Variants in ABLIM2 observed in about 807,000 individuals in gnomAD.
ABLIM2 encodes actin-binding LIM protein 2.
Under a neutral mutation model 97.7 loss-of-function variants are expected in ABLIM2, and 53 were observed. The ratio of observed to expected loss-of-function variants is 0.54; its 90% CI spans 0.44 to 0.68. ABLIM2 has a LOEUF of 0.68. ABLIM2 is among the 30% of genes least tolerant of loss of function. The probability of loss-of-function intolerance (pLI) is 0.00; values close to 1 mark genes in which losing one functional copy is unlikely to be tolerated. For synonymous variants in ABLIM2, 361 were observed against 345.8 expected (o/e 1.04, Z -0.49); for missense variants, 835 against 867.2 (o/e 0.96, Z 0.47).
Position 8,077,615 on chromosome 4 carries a change from C to G in ABLIM2, c.675+13G>C, listed in dbSNP as rs200179711. 5,059 of 1,596,722 alleles carry G rather than the reference C, an allele frequency of 3.2e-3. 11 individuals are homozygous for G. The highest frequency in any genetic ancestry group is 4.0e-3 in the Non-Finnish European group (4,645 of 1,170,846). On this transcript the variant is annotated intron_variant, in intron 6 of 20. Coordinates refer to ENST00000447017, the MANE Select transcript of ABLIM2 (RefSeq NM_001130083.2). The stretch of plus-strand genomic sequence containing the variant: ...AGCTCAGAGCGGGCAGGGGCCCGGC[C>G]CGCCGCGCTTACCTCCAGCACGCGC...
At chr4:8,136,574 G>A (rs957855539) in intron 1 of ABLIM2, among the ~76,000 whole-genome samples, 3 of 152,336 alleles carry the variant, frequency 2.0e-5, no homozygotes, top group East Asian at 1.9e-4. Flanking sequence ...TGCACCCCAC[G>A]TGGCTGACTT....
chr4:7,975,636 A>G (rs1732411038), intron 20 of ABLIM2, among the ~76,000 whole-genome samples: 1 of 152,142 alleles, frequency 6.6e-6, no homozygotes, highest in Non-Finnish European at 1.5e-5. Flanking sequence ...CTCCAAACTT[A>G]ATCTGCCTGC....
At chr4:8,151,555 G>A (rs567080338) in intron 1 of ABLIM2, among the ~76,000 whole-genome samples, 16 of 152,318 alleles carry the variant, frequency 1.1e-4, no homozygotes, top group South Asian at 2.1e-4. Flanking sequence ...GGAGCATCTC[G>A]AGAGCCAGAT....
chr4:8,098,371 C>T (rs1192633164), intron 2 of ABLIM2, among the ~76,000 whole-genome samples: 4 of 152,234 alleles, frequency 2.6e-5, no homozygotes, highest in Non-Finnish European at 5.9e-5. Context: ...CAAAGGACGT[C>T]GTTTCTGCAC....
rs1173773384 is a variant in ABLIM2 at position 7,998,092 on chromosome 4, G to A, written c.1619-5165C>T. ...GACGGGGTTTCTCCATGTTGATCGG[G>A]CTCGTCTTCAACTCCTGATCTCAGG... On this transcript the variant is annotated intron_variant, in intron 16 of 20. Transcript: ENST00000447017. The surrounding 1 kb of genome is among the most constrained non-coding windows in gnomAD (Gnocchi z 6.4). Among the ~76,000 whole-genome samples, 1 of 151,918 alleles carries A rather than the reference G, an allele frequency of 6.6e-6. No homozygotes were observed. Among genetic ancestry groups the A allele is most frequent in the Non-Finnish European group, 1.5e-5 (1 of 68,000 alleles).
rs948789492 is a variant in ABLIM2, at chr4:8,148,130, C to T, written c.10+10550G>A. Reference sequence around the variant, plus strand: ...CAAAGCCCACCATGCGCACCTTCCCCGGCAGAGAAGGGGTTTGGAGTGGCA... The same window carrying T: ...CAAAGCCCACCATGCGCACCTTCCCTGGCAGAGAAGGGGTTTGGAGTGGCA... On this transcript the variant is annotated intron_variant, in intron 1 of 20. Transcript: ENST00000447017. This position sits in a 1 kb window ranked among gnomAD's most constrained non-coding sequence, Gnocchi z 6.7. Among the ~76,000 whole-genome samples, 3 of 152,184 alleles carry T rather than the reference C, an allele frequency of 2.0e-5. No individual in the cohort carries two copies. Among genetic ancestry groups the T allele is most frequent in the South Asian group, 4.1e-4 (2 of 4,832 alleles).
chr4:8,066,360 G>GGGAAGGAAGGAAGGAAGGAAGGAAGGAA (rs766354971), intron 6 of ABLIM2, among the ~76,000 whole-genome samples: 1 of 51,212 alleles, frequency 2.0e-5, no homozygotes, highest in Non-Finnish European at 3.7e-5. Context: ...GAGGGAGGGA[G>GGGAAGGAAGGAAGGAAGGAAGGAAGGAA]GGAAGGAAGG....
chr4:8,054,278 AGAGTT>A lies in ABLIM2; in HGVS notation c.764-37_764-33del. 2 of 1,609,712 alleles carry A rather than the reference AGAGTT, an allele frequency of 1.2e-6. No individual in the cohort carries two copies. The highest frequency in any genetic ancestry group is 1.3e-5 in the African/African-American group (1 of 75,008). ...ACAAATTCCCAAGAGGGAAATGATT[AGAGTT>A]ATTTCCCATGTTGCAGGGGCCTGTG... On this transcript the variant is annotated intron_variant, in intron 7 of 20. Transcript: ENST00000447017. The surrounding 1 kb of genome is among the most constrained non-coding windows in gnomAD (Gnocchi z 4.9).
chr4:8,028,963 G>T (rs754555395), intron 11 of ABLIM2, among the ~76,000 whole-genome samples: 8 of 152,248 alleles, frequency 5.3e-5, no homozygotes, highest in Non-Finnish European at 8.8e-5. Context: ...GAAGCAGCTT[G>T]GAAAAATCCC....
At chr4:8,145,849 T>A (rs1364949443) in intron 1 of ABLIM2, among the ~76,000 whole-genome samples, 3 of 149,654 alleles carry the variant, frequency 2.0e-5, no homozygotes, top group East Asian at 3.9e-4. Context: ...ACAGTGAAAG[T>A]CCACCTCTCA....
chr4:7,994,820 C>G (rs929973258), intron 16 of ABLIM2, among the ~76,000 whole-genome samples: 1 of 118,092 alleles, frequency 8.5e-6, no homozygotes, highest in African/African-American at 2.7e-5. Context: ...ACAAAATTGA[C>G]AAATGGGATC....
chr4:8,065,716 G>A (rs955700958), intron 6 of ABLIM2, among the ~76,000 whole-genome samples: 4 of 152,068 alleles, frequency 2.6e-5, no homozygotes, highest in Admixed American at 2.6e-4. Flanking sequence ...CAGAGGTCAG[G>A]AGTTTGAGAC....
intron 16 of ABLIM2, among the ~76,000 whole-genome samples, chr4:7,995,632 G>A (rs949866676): frequency 3.3e-5 from 5 of 152,202 alleles, no homozygotes; most frequent in Admixed American, 6.5e-5. Context: ...TTTGCAACAC[G>A]GTAGCCAGTG....
In ABLIM2 at chr4:8,003,013, C is replaced by A. The variant is rs996790351; in HGVS notation, c.1618+5046G>T. On this transcript the variant is annotated intron_variant, in intron 16 of 20. Transcript: ENST00000447017. This position sits in a 1 kb window ranked among gnomAD's most constrained non-coding sequence, Gnocchi z 4.2. ...AGCTTGTTTCTCTTTGTCTCCCAGCCCCTAGTAGAATGTCGGCTCCCCAGA... is the reference window on the plus strand; with the variant it reads ...AGCTTGTTTCTCTTTGTCTCCCAGCACCTAGTAGAATGTCGGCTCCCCAGA... 1.3e-5 allele frequency among the ~76,000 whole-genome samples: 2 copies of A among 152,168 alleles called. No individual in the cohort carries two copies. Among genetic ancestry groups the A allele is most frequent in the Non-Finnish European group, 2.9e-5 (2 of 68,034 alleles).
rs35890343 is a variant in ABLIM2 at position 8,095,084 on chromosome 4, CTCTT to C, written c.338+2011_338+2014del. Among the ~76,000 whole-genome samples the C allele has an allele frequency of 0.25, 36,947 of 147,542 alleles. 4,870 individuals are homozygous for C. Among genetic ancestry groups the C allele is most frequent in the East Asian group, 0.31 (1,524 of 4,946 alleles). ...TCTCTTTCTTTCTTTCTCTCTCTCTCTCTTTCTTTCTTTCTCTTTCCTTTTCTTT... is the reference window on the plus strand; with the variant it reads ...TCTCTTTCTTTCTTTCTCTCTCTCTCTCTTTCTTTCTCTTTCCTTTTCTTT... On this transcript the variant is annotated intron_variant, in intron 3 of 20. Transcript: ENST00000447017. The surrounding 1 kb of genome is among the most constrained non-coding windows in gnomAD (Gnocchi z 4.7).
chr4:8,019,061 C>T lies in ABLIM2; in HGVS notation c.1423+557G>A, dbSNP rs1470486325. Among the ~76,000 whole-genome samples the T allele has an allele frequency of 6.6e-6, 1 of 152,218 alleles. No homozygotes were observed. Among genetic ancestry groups the T allele is most frequent in the Non-Finnish European group, 1.5e-5 (1 of 68,040 alleles). Reference sequence around the variant, plus strand: ...CCCACGCAAGCTGCTCCCTGCGCACCTCCCAGGCAGGTTCACGTGGAGCAG... The same window carrying T: ...CCCACGCAAGCTGCTCCCTGCGCACTTCCCAGGCAGGTTCACGTGGAGCAG... On this transcript the variant is annotated intron_variant, in intron 14 of 20. Coordinates refer to ENST00000447017, the MANE Select transcript of ABLIM2 (RefSeq NM_001130083.2). The surrounding 1 kb of genome is among the most constrained non-coding windows in gnomAD (Gnocchi z 4.3).
At chr4:8,090,598 G>GTC (rs1275529566) in intron 3 of ABLIM2, among the ~76,000 whole-genome samples, 1 of 152,050 alleles carries the variant, frequency 6.6e-6, no homozygotes, top group African/African-American at 2.4e-5. Flanking sequence ...CCCTGTGGCT[G>GTC]TCTACAATCA....
intron 1 of ABLIM2, among the ~76,000 whole-genome samples, chr4:8,156,127 G>T (rs913508853): frequency 1.3e-5 from 2 of 152,264 alleles, no homozygotes; most frequent in South Asian, 2.1e-4. Flanking sequence ...GGCTCAGAAG[G>T]AGCACAGGCC....
chr4:8,039,534 C>T (rs1457228432), intron 9 of ABLIM2, among the ~76,000 whole-genome samples: 3 of 152,200 alleles, frequency 2.0e-5, no homozygotes, highest in Non-Finnish European at 4.4e-5. Context: ...CTCTAATTGG[C>T]GGAAGGTCTC....
Sources: gnomAD v4.1 joint callset for allele counts (sites outside exome capture counted in the v4.1 genomes callset) on GRCh38, gnomAD v4.1.1 for gene constraint, Gnocchi (gnomAD v3.1) non-coding constraint, MANE v1.5 for transcripts, NCBI Gene and HGNC (gene_info 2026-07-23, HGNC 2026-07-21) for gene names.